Variants in IDE observed in about 807,000 individuals in gnomAD.
IDE encodes the protein insulin-degrading enzyme.
In IDE, 58 loss-of-function variants were observed where a neutral mutation model predicts 133.2. That is an observed-to-expected ratio of 0.44 (90% confidence interval 0.35 to 0.54). The LOEUF (loss-of-function observed/expected upper bound fraction) is 0.54, where lower values mean the gene tolerates loss of function less well. IDE is among the 20% of genes least tolerant of loss of function. The pLI is 0.00. For missense variants in IDE, 981 were observed against 1,234.0 expected, an observed-to-expected ratio of 0.79 and a Z score of 3.07; for synonymous variants, 396 against 421.3, an observed-to-expected ratio of 0.94 and a Z score of 0.73.
chr10:92,495,166 C>T (rs1241251555), intron 11 of IDE, among the ~76,000 whole-genome samples: 2 of 148,334 alleles, frequency 1.3e-5, no homozygotes, highest in African/African-American at 2.5e-5. Context: ...TGAGTTCAAG[C>T]GATTCTCCTG....
In IDE at chr10:92,537,288, C is replaced by T. The variant is rs938036222; in HGVS notation, c.283+78G>A. ...CCGGTAACTATTGAGTATTTAAACA[C>T]GTATGGAAAGTTCTAATAAATGTCA... On this transcript the variant is annotated intron_variant, in intron 2 of 24. Coordinates refer to ENST00000265986, the MANE Select transcript of IDE (RefSeq NM_004969.4). 9.6e-6 allele frequency: 11 copies of T among 1,140,748 alleles called. No homozygotes were observed. In the Admixed American group the frequency reaches 1.4e-4, roughly 14 times the overall value. The allele number at this position is 1,140,748 out of a possible 1,614,324, so 70.7% of individuals were successfully genotyped here.
At chr10:92,573,606 G>A (rs1843899118) in intron 1 of IDE, among the ~76,000 whole-genome samples, 1 of 152,228 alleles carries the variant, frequency 6.6e-6, no homozygotes, top group African/African-American at 2.4e-5. Flanking sequence ...CCAGGTGCAG[G>A]CCGGGTGACT....
intron 1 of IDE, among the ~76,000 whole-genome samples, chr10:92,568,845 C>T (rs7915220): frequency 1.4e-3 from 168 of 122,968 alleles, no homozygotes; most frequent in African/African-American, 4.3e-3. Flanking sequence ...ATAATAATAA[C>T]AATACCTTTA....
At position 92,556,179 on chromosome 10, in the gene IDE, C is replaced by CAAAA. The variant is rs60008680; in HGVS notation, c.98+17739_98+17742dup. Among the ~76,000 whole-genome samples, 400 of 68,528 alleles carry CAAAA rather than the reference C, an allele frequency of 5.8e-3. 21 individuals carry two copies. Among genetic ancestry groups the CAAAA allele is most frequent in the Non-Finnish European group, 6.6e-3 (255 of 38,804 alleles). 45.0% of individuals were successfully genotyped at this position (68,528 alleles called of 152,430 possible). The stretch of plus-strand genomic sequence containing the variant: ...TGGGTGACAGAGCGAGACTCCGTCT[C>CAAAA]AAAAAAAAAAAAAAAAAAAAAGAAA... On this transcript the variant is annotated intron_variant, in intron 1 of 24. Coordinates refer to ENST00000265986, the MANE Select transcript of IDE (RefSeq NM_004969.4).
intron 4 of IDE, among the ~76,000 whole-genome samples, chr10:92,520,991 T>G (rs1203192096): frequency 6.6e-6 from 1 of 152,132 alleles, no homozygotes; most frequent in Non-Finnish European, 1.5e-5. Context: ...AACAAATTAG[T>G]CACCCTGAAG....
intron 4 of IDE, among the ~76,000 whole-genome samples, chr10:92,516,584 C>G (rs1198955665): frequency 2.0e-5 from 3 of 152,186 alleles, no homozygotes; most frequent in Non-Finnish European, 4.4e-5. Context: ...AAAATAAGAT[C>G]CACATGGCCT....
chr10:92,456,560 C>T (rs1419952884), intron 22 of IDE, 129 bp from the exon 23 acceptor site: 18 of 706,622 alleles, frequency 2.5e-5, no homozygotes, highest in Admixed American at 6.2e-5. Flanking sequence ...CCTTTCTGGC[C>T]GGGTGCAGTG....
At chr10:92,573,008 G>A in intron 1 of IDE, 1 of 985,264 alleles carries the variant, frequency 1.0e-6, no homozygotes, top group Non-Finnish European at 1.2e-6. Context: ...AGAGGGTCCA[G>A]CACAGTGCCC....
intron 4 of IDE, among the ~76,000 whole-genome samples, chr10:92,522,909 T>C (rs1009469411): frequency 6.6e-6 from 1 of 152,188 alleles, no homozygotes; most frequent in African/African-American, 2.4e-5. Context: ...ATGATGATCC[T>C]GGAAAATCAA....
intron 1 of IDE, among the ~76,000 whole-genome samples, chr10:92,549,619 A>C (rs1842689888): frequency 6.6e-6 from 1 of 152,172 alleles, no homozygotes; most frequent in South Asian, 2.1e-4. Context: ...GCTTAGAAAG[A>C]AGCAAAGCCA....
intron 4 of IDE, among the ~76,000 whole-genome samples, chr10:92,515,496 T>A (rs1848861517): frequency 6.6e-6 from 1 of 151,060 alleles, no homozygotes; most frequent in African/African-American, 2.4e-5. Context: ...CCTGACCTCG[T>A]GATCCGCCCG....
intron 12 of IDE, among the ~76,000 whole-genome samples, chr10:92,489,880 C>T (rs919915335): frequency 1.4e-4 from 22 of 152,046 alleles, no homozygotes; most frequent in Admixed American, 1.0e-3. Context: ...GAATAAGGGA[C>T]GCAGTCTCAA....
intron 4 of IDE, among the ~76,000 whole-genome samples, chr10:92,519,619 T>C (rs556861642): frequency 6.6e-6 from 1 of 152,294 alleles, no homozygotes; most frequent in South Asian, 2.1e-4. Flanking sequence ...ATTTATTTCA[T>C]CTGTAAAATA....
chr10:92,503,378 C>G (rs1848131320), intron 11 of IDE, among the ~76,000 whole-genome samples: 1 of 152,180 alleles, frequency 6.6e-6, no homozygotes, highest in Non-Finnish European at 1.5e-5. Flanking sequence ...CTATGCTGCT[C>G]AGGCTGGTCT....
chr10:92,461,810 G>T lies in IDE; in HGVS notation c.2762-558C>A, dbSNP rs921156055. On this transcript the variant is annotated intron_variant, in intron 21 of 24. Coordinates refer to ENST00000265986, the MANE Select transcript of IDE (RefSeq NM_004969.4). ...CTCCCAAGTAGCTGGGACTACAGGC[G>T]CCCGCCACCATGCCCAGCTAATTTT... Among the ~76,000 whole-genome samples the T allele has an allele frequency of 2.0e-5, 3 of 151,746 alleles. No individual in the cohort carries two copies. The East Asian group carries it at 5.8e-4, about 29-fold the overall frequency.
chr10:92,536,628 G>A (rs1052473119), intron 2 of IDE, among the ~76,000 whole-genome samples: 14 of 151,338 alleles, frequency 9.3e-5, no homozygotes, highest in African/African-American at 3.4e-4. Context: ...AACCCGGGAG[G>A]TGGAGGTTGC....
chr10:92,538,521 C>T (rs539008646), intron 1 of IDE, among the ~76,000 whole-genome samples: 1 of 152,310 alleles, frequency 6.6e-6, no homozygotes, highest in South Asian at 2.1e-4. Context: ...GAGCTGAATG[C>T]CAGAGCAGGA....
chr10:92,502,696 T>C (rs1185443663), intron 11 of IDE, among the ~76,000 whole-genome samples: 1 of 152,238 alleles, frequency 6.6e-6, no homozygotes, highest in African/African-American at 2.4e-5. Context: ...ATACAAATAT[T>C]TAATCTACAA....
intron 5 of IDE, among the ~76,000 whole-genome samples, chr10:92,513,717 AATAT>A: frequency 6.6e-6 from 1 of 151,200 alleles, no homozygotes; most frequent in Non-Finnish European, 1.5e-5. Context: ...TATATATGAG[AATAT>A]ATTAAGAATA....
Sources: allele counts gnomAD v4.1 joint callset (sites outside exome capture counted in the v4.1 genomes callset), GRCh38; gene constraint gnomAD v4.1.1; transcripts MANE v1.5; gene names NCBI Gene and HGNC (gene_info 2026-07-23, HGNC 2026-07-21).